Variants in UNC5D observed in about 807,000 individuals in gnomAD.
The protein encoded by UNC5D is unc-5 netrin receptor D, also known as netrin receptor UNC5D.
UNC5D carries 39 observed loss-of-function variants against 105.4 expected under a neutral mutation model. The observed-to-expected ratio is 0.37, with a 90% CI of 0.29 to 0.48. The LOEUF is 0.48. Among genes scored for constraint, UNC5D ranks in the 20% least tolerant of loss-of-function variants. The pLI, the probability that UNC5D is intolerant of heterozygous loss-of-function variation, is 0.98. For missense variants in UNC5D, 991 were observed against 1,202.4 expected (o/e 0.82, Z 2.60); for synonymous variants, 452 against 450.4 (o/e 1.00, Z -0.04).
At chr8:35,743,601 A>T (rs184091246) in intron 11 of UNC5D, among the ~76,000 whole-genome samples, 1 of 150,482 alleles carries the variant, frequency 6.6e-6, no homozygotes, top group East Asian at 1.9e-4. Flanking sequence ...AAAAAAAAAA[A>T]ATTTTTTTTA....
intron 4 of UNC5D, among the ~76,000 whole-genome samples, chr8:35,641,366 C>CAAAAAAAA (rs377021599): frequency 8.1e-4 from 36 of 44,276 alleles, no homozygotes; most frequent in Admixed American, 3.2e-3. Flanking sequence ...AAAAATAAAG[C>CAAAAAAAA]AAAAAAAAAA....
At chr8:35,316,399 C>T (rs1183438369) in intron 1 of UNC5D, among the ~76,000 whole-genome samples, 1 of 152,080 alleles carries the variant, frequency 6.6e-6, no homozygotes, top group Non-Finnish European at 1.5e-5. Context: ...AATATATTTG[C>T]TAATTGATCC....
chr8:35,623,846 T>C (rs2978578), intron 4 of UNC5D, among the ~76,000 whole-genome samples: 17,725 of 152,130 alleles, frequency 0.12, 1,125 homozygotes, highest in African/African-American at 0.17. Flanking sequence ...TTTGGGAGGC[T>C]GAGGCAGGCG....
At chr8:35,701,163 G>A (rs1330876456) in intron 7 of UNC5D, among the ~76,000 whole-genome samples, 2 of 152,202 alleles carry the variant, frequency 1.3e-5, no homozygotes, top group Non-Finnish European at 2.9e-5. Flanking sequence ...CTGCTGGGAA[G>A]TGAGTTGCTG....
chr8:35,792,800 T>C lies in UNC5D; in HGVS notation c.*2237T>C. 1 of 319,854 alleles carries C rather than the reference T, an allele frequency of 3.1e-6. No homozygotes were observed. The highest frequency in any genetic ancestry group is 2.6e-5 in the South Asian group (1 of 38,064). The allele number at this position is 319,854 out of a possible 1,614,324, so 19.8% of individuals were successfully genotyped here. A position where few individuals can be genotyped will look rare whatever the true frequency, so the allele number is the denominator to read the frequency against. On this transcript the variant is annotated 3_prime_UTR_variant, in exon 17 of 17. Transcript: ENST00000404895. ...TCTAATGGGCATTATAATTGTTTCA[T>C]CTACTCTGTGAATCTACATAGGTCT...
chr8:35,704,719 T>G (rs1412480755), intron 7 of UNC5D, among the ~76,000 whole-genome samples: 1 of 152,158 alleles, frequency 6.6e-6, no homozygotes, highest in East Asian at 1.9e-4. Flanking sequence ...GGCAGTCACC[T>G]TGGGTTCCTG....
intron 1 of UNC5D, among the ~76,000 whole-genome samples, chr8:35,539,264 A>G (rs1440121549): frequency 1.3e-5 from 2 of 152,140 alleles, no homozygotes; most frequent in Non-Finnish European, 2.9e-5. Context: ...GGGTAGGAAT[A>G]TTTTTAACAT....
At chr8:35,554,795 G>A (rs954123386) in intron 2 of UNC5D, among the ~76,000 whole-genome samples, 5 of 152,098 alleles carry the variant, frequency 3.3e-5, no homozygotes, top group Admixed American at 2.0e-4. Context: ...GAAATAATGT[G>A]TATTCCAATG....
At chr8:35,356,222 A>G (rs1801544339) in intron 1 of UNC5D, among the ~76,000 whole-genome samples, 1 of 152,162 alleles carries the variant, frequency 6.6e-6, no homozygotes, top group African/African-American at 2.4e-5. Flanking sequence ...TACTCCAGGA[A>G]TGTGATTAGT....
At chr8:35,336,084 ACT>A (rs2128897437) in intron 1 of UNC5D, among the ~76,000 whole-genome samples, 1 of 152,018 alleles carries the variant, frequency 6.6e-6, no homozygotes, top group South Asian at 2.1e-4. Context: ...ATTCTAAAAG[ACT>A]CTATTCACAT....
At chr8:35,406,574 C>T (rs1046744372) in intron 1 of UNC5D, among the ~76,000 whole-genome samples, 6 of 152,128 alleles carry the variant, frequency 3.9e-5, no homozygotes, top group African/African-American at 1.4e-4. Context: ...ACAGTACCAG[C>T]TTCAGCTTCA....
intron 4 of UNC5D, among the ~76,000 whole-genome samples, chr8:35,669,301 CT>C (rs1285976988): frequency 6.6e-6 from 1 of 151,862 alleles, no homozygotes; most frequent in African/African-American, 2.4e-5. Context: ...CTCTTTTTCT[CT>C]TTCTTCATTT....
In UNC5D at chr8:35,492,177, G is replaced by A. The variant is rs377425246; in HGVS notation, c.104-57115G>A. ...GCCATTATTTCCTTAAGCAAAGAAT[G>A]AGCTCCAAGTTTAGGTCAAATGCAA... On this transcript the variant is annotated intron_variant, in intron 1 of 16. Coordinates refer to ENST00000404895, the MANE Select transcript of UNC5D (RefSeq NM_080872.4). Among the ~76,000 whole-genome samples the A allele has an allele frequency of 1.3e-4, 20 of 150,976 alleles. No homozygotes were observed. In the East Asian group the frequency reaches 3.1e-3, roughly 24 times the overall value.
At chr8:35,779,995 T>C (rs1482946118) in intron 16 of UNC5D, among the ~76,000 whole-genome samples, 2 of 152,072 alleles carry the variant, frequency 1.3e-5, no homozygotes, top group Non-Finnish European at 2.9e-5. Flanking sequence ...CTTGACCAAG[T>C]TGCTATGGGA....
At chr8:35,250,019 G>A (rs1041166361) in intron 1 of UNC5D, among the ~76,000 whole-genome samples, 1 of 151,838 alleles carries the variant, frequency 6.6e-6, no homozygotes, top group Non-Finnish European at 1.5e-5. Flanking sequence ...ATGTGTGTGG[G>A]CATTTACTTT....
chr8:35,323,182 CTTTTTCTTTT>C (rs1341144066), intron 1 of UNC5D, among the ~76,000 whole-genome samples: 3 of 115,694 alleles, frequency 2.6e-5, no homozygotes, highest in Non-Finnish European at 5.6e-5. Flanking sequence ...TCTAATTTTT[CTTTTTCTTTT>C]TTTTTTTTTT....
At chr8:35,286,430 G>A (rs1260255853) in intron 1 of UNC5D, among the ~76,000 whole-genome samples, 1 of 152,120 alleles carries the variant, frequency 6.6e-6, no homozygotes, top group Non-Finnish European at 1.5e-5. Flanking sequence ...CCCCACATTT[G>A]CCAGGTGCTT....
chr8:35,630,436 C>T (rs556269197), intron 4 of UNC5D, among the ~76,000 whole-genome samples: 1 of 152,270 alleles, frequency 6.6e-6, no homozygotes, highest in South Asian at 2.1e-4. Context: ...CTGAGTTGTC[C>T]GGACTGGCTA....
chr8:35,526,686 T>C (rs1563500935), intron 1 of UNC5D, among the ~76,000 whole-genome samples: 2 of 152,108 alleles, frequency 1.3e-5, no homozygotes, highest in Admixed American at 6.5e-5. Flanking sequence ...CTTGAGAAAA[T>C]CTATTTTCTG....
Sources: gnomAD v4.1 joint callset for allele counts (sites outside exome capture counted in the v4.1 genomes callset) on GRCh38, gnomAD v4.1.1 for gene constraint, MANE v1.5 for transcripts, NCBI Gene and HGNC (gene_info 2026-07-23, HGNC 2026-07-21) for gene names.